Variants in DPF3 observed in about 807,000 individuals in gnomAD.
DPF3 encodes the protein zinc finger protein DPF3.
In DPF3, 18 loss-of-function variants were observed where a neutral mutation model predicts 56.8. That is an observed-to-expected ratio of 0.32 (90% confidence interval 0.22 to 0.47). DPF3 has a LOEUF of 0.47. Among genes scored for constraint, DPF3 ranks in the 20% least tolerant of loss-of-function variants. The probability of loss-of-function intolerance (pLI) is 1.00; values close to 1 mark genes in which losing one functional copy is unlikely to be tolerated. For missense variants in DPF3, 403 were observed against 488.8 expected (o/e 0.82, Z 1.65); for synonymous variants, 188 against 180.2 (o/e 1.04, Z -0.35).
In DPF3 at chr14:72,693,202, G is replaced by A. The variant is rs1017786866; in HGVS notation, c.616C>T (p.Arg206Cys). The A allele has an allele frequency of 2.5e-6, 4 of 1,613,730 alleles. No individual in the cohort carries two copies. Among genetic ancestry groups the A allele is most frequent in the African/African-American group, 2.7e-5 (2 of 74,884 alleles). The stretch of plus-strand genomic sequence containing the variant: ...CTGAGCCCCGGTCGGTTCTTGTAGC[G>A]CTTGCCACAGACTAGAGAGGAAAAG... ...KPYVCDICGK[R>C]YKNRPGLSYH... The change falls in exon 7 of 11, where the codon CGC becomes TGC. Residue 206 changes from arginine (R) to cysteine (C), a missense_variant. Around this residue, in one of 2 missense-constraint regions of DPF3, gnomAD observed 340 missense variants for 374.3 expected, o/e 0.91. Coordinates refer to ENST00000556509, the MANE Select transcript of DPF3 (RefSeq NM_001280542.3).
chr14:72,642,805 T>A (rs57277711), intron 8 of DPF3, among the ~76,000 whole-genome samples: 7,217 of 152,246 alleles, frequency 0.047, 313 homozygotes, highest in East Asian at 0.11. Context: ...ACCCCAGTGT[T>A]AGAAAGTCAG....
intron 5 of DPF3, among the ~76,000 whole-genome samples, chr14:72,715,349 G>A (rs531854356): frequency 1.3e-5 from 2 of 152,258 alleles, no homozygotes; most frequent in Non-Finnish European, 2.9e-5. Context: ...AGAACACAGC[G>A]AGGTTTATTT....
At chr14:72,827,397 A>G (rs1457900816) in intron 1 of DPF3, among the ~76,000 whole-genome samples, 1 of 150,062 alleles carries the variant, frequency 6.7e-6, no homozygotes, top group Non-Finnish European at 1.5e-5. Flanking sequence ...CCAACAAGGC[A>G]TATCTTTTCT....
intron 7 of DPF3, among the ~76,000 whole-genome samples, chr14:72,678,614 T>A (rs1267432568): frequency 1.3e-5 from 2 of 152,244 alleles, no homozygotes; most frequent in Non-Finnish European, 2.9e-5. Context: ...AAGATTTTAC[T>A]ACAAATAGGA....
At chr14:72,777,135 C>T (rs1302108813) in intron 1 of DPF3, among the ~76,000 whole-genome samples, 2 of 152,140 alleles carry the variant, frequency 1.3e-5, no homozygotes, top group African/African-American at 4.8e-5. Context: ...GGCTCTCCTT[C>T]CCCCAGAGGC....
intron 5 of DPF3, among the ~76,000 whole-genome samples, chr14:72,720,471 T>A (rs1366217892): frequency 6.6e-6 from 1 of 152,198 alleles, no homozygotes; most frequent in Admixed American, 6.5e-5. Context: ...GGGTAACATG[T>A]CCACAGTATC....
At chr14:72,754,745 T>A (rs972454770) in intron 2 of DPF3, among the ~76,000 whole-genome samples, 1 of 152,204 alleles carries the variant, frequency 6.6e-6, no homozygotes, top group African/African-American at 2.4e-5. Flanking sequence ...ATATACTCAT[T>A]CATTCATTTT....
intron 1 of DPF3, among the ~76,000 whole-genome samples, chr14:72,871,799 A>G (rs1250722503): frequency 6.6e-6 from 1 of 152,210 alleles, no homozygotes; most frequent in African/African-American, 2.4e-5. Context: ...CACATGGTGC[A>G]AGCTGCTAGT....
chr14:72,688,287 G>A (rs1375988641), intron 7 of DPF3, among the ~76,000 whole-genome samples: 5 of 100,116 alleles, frequency 5.0e-5, no homozygotes, highest in Middle Eastern at 5.2e-3. Flanking sequence ...GGGTGGGTGG[G>A]TGGATGGATG....
At chr14:72,652,964 G>A (rs1432797347) in intron 8 of DPF3, among the ~76,000 whole-genome samples, 2 of 152,194 alleles carry the variant, frequency 1.3e-5, no homozygotes, top group Non-Finnish European at 1.5e-5. Context: ...TTCCTCAGGA[G>A]GAGGATGGAT....
chr14:72,876,598 A>G (rs1886125559), intron 1 of DPF3, among the ~76,000 whole-genome samples: 1 of 152,016 alleles, frequency 6.6e-6, no homozygotes, highest in South Asian at 2.1e-4. Flanking sequence ...AGTCCTTCCC[A>G]TCTGGCCTTC....
chr14:72,665,625 T>C (rs980380720), intron 8 of DPF3, among the ~76,000 whole-genome samples: 6 of 152,082 alleles, frequency 3.9e-5, no homozygotes, highest in Non-Finnish European at 8.8e-5. Flanking sequence ...AGTATCGAGG[T>C]TGTGAAAAAC....
chr14:72,874,806 T>C (rs912715671), intron 1 of DPF3, among the ~76,000 whole-genome samples: 2 of 152,240 alleles, frequency 1.3e-5, no homozygotes, highest in Non-Finnish European at 2.9e-5. Flanking sequence ...TTCCAATCTC[T>C]GCCTGTTGCC....
chr14:72,844,749 G>C (rs1016768875), intron 1 of DPF3, among the ~76,000 whole-genome samples: 3 of 152,216 alleles, frequency 2.0e-5, no homozygotes, highest in African/African-American at 7.2e-5. Context: ...TCAAGGCACA[G>C]ACTGTGCATT....
At position 72,697,007 on chromosome 14, in the gene DPF3, G is replaced by A. The variant is rs1322614106; in HGVS notation, c.605-3794C>T. 6.6e-5 allele frequency among the ~76,000 whole-genome samples: 10 copies of A among 152,338 alleles called. No homozygotes were observed. In the East Asian group the frequency reaches 1.9e-3, roughly 29 times the overall value. Reference sequence around the variant, plus strand: ...CTATGTCCACATGCCCTTCTTGATGGATGGCCGTAGCAGGCAGGGGCAGGA... The same window carrying A: ...CTATGTCCACATGCCCTTCTTGATGAATGGCCGTAGCAGGCAGGGGCAGGA... On this transcript the variant is annotated intron_variant, in intron 6 of 10. Coordinates refer to ENST00000556509, the MANE Select transcript of DPF3 (RefSeq NM_001280542.3).
chr14:72,665,439 T>C (rs1295331737), intron 8 of DPF3, among the ~76,000 whole-genome samples: 1 of 152,196 alleles, frequency 6.6e-6, no homozygotes, highest in Non-Finnish European at 1.5e-5. Flanking sequence ...AAAGGCCAAA[T>C]GTCTGAGTCA....
chr14:72,653,612 G>C (rs552504254), intron 8 of DPF3, among the ~76,000 whole-genome samples: 1 of 152,326 alleles, frequency 6.6e-6, no homozygotes, highest in Non-Finnish European at 1.5e-5. Flanking sequence ...TATCAGTCTA[G>C]ATAGAGGGTG....
At chr14:72,670,515 C>T (rs915951524) in intron 8 of DPF3, 2 of 976,686 alleles carry the variant, frequency 2.0e-6, no homozygotes, top group Non-Finnish European at 2.4e-6. Flanking sequence ...AGGGGTCTGC[C>T]GCGGGGAGCC....
At chr14:72,802,861 G>A (rs1052043915) in intron 1 of DPF3, among the ~76,000 whole-genome samples, 2 of 152,110 alleles carry the variant, frequency 1.3e-5, no homozygotes, top group African/African-American at 4.8e-5. Flanking sequence ...CTGTCTCGAT[G>A]TGATAGCCTG....
Sources: gnomAD v4.1 joint callset for allele counts (sites outside exome capture counted in the v4.1 genomes callset) on GRCh38, gnomAD v4.1.1 for gene constraint, gnomAD v4.1.1 regional missense constraint, MANE v1.5 for transcripts, NCBI Gene and HGNC (gene_info 2026-07-23, HGNC 2026-07-21) for gene names.